RMDN2: variants seen among roughly 807,000 people sequenced by gnomAD.
RMDN2 encodes regulator of microtubule dynamics 2, also known as regulator of microtubule dynamics protein 2.
A neutral mutation model predicts 52.8 loss-of-function variants in RMDN2; 61 were observed. That is an observed-to-expected ratio of 1.16 (90% CI 0.94 to 1.43). The LOEUF (loss-of-function observed/expected upper bound fraction) is 1.43, where lower values mean the gene tolerates loss of function less well. Ranked by LOEUF, RMDN2 falls within the 40% of genes most tolerant of loss-of-function variation. RMDN2 has a pLI of 0.00. For synonymous variants in RMDN2, 180 were observed against 153.1 expected, an observed-to-expected ratio of 1.18 and a Z score of -1.30; for missense variants, 592 against 475.3, an observed-to-expected ratio of 1.25 and a Z score of -2.28.
At chr2:37,980,772 G>C (rs1395433316) in intron 4 of RMDN2, among the ~76,000 whole-genome samples, 2 of 151,652 alleles carry the variant, frequency 1.3e-5, no homozygotes, top group Non-Finnish European at 2.9e-5. Context: ...CCACTCTGCT[G>C]TGCCCTCTTT....
intron 10 of RMDN2, among the ~76,000 whole-genome samples, chr2:38,016,231 C>T (rs926620007): frequency 6.6e-6 from 1 of 152,302 alleles, no homozygotes; most frequent in East Asian, 1.9e-4. Flanking sequence ...GGTATTTGAG[C>T]AAGGCTCTAA....
At chr2:38,006,680 A>G (rs952621954) in intron 10 of RMDN2, among the ~76,000 whole-genome samples, 7 of 152,116 alleles carry the variant, frequency 4.6e-5, no homozygotes, top group African/African-American at 1.7e-4. Context: ...TCTTTTCCTA[A>G]TTGAATACCC....
chr2:37,986,153 A>G (rs1473845803), intron 5 of RMDN2, among the ~76,000 whole-genome samples: 1 of 152,162 alleles, frequency 6.6e-6, no homozygotes, highest in Non-Finnish European at 1.5e-5. Context: ...GAGTTTGGGG[A>G]GGTAGTCATA....
intron 2 of RMDN2, among the ~76,000 whole-genome samples, chr2:37,932,868 A>C (rs1307076992): frequency 5.4e-5 from 6 of 111,634 alleles, no homozygotes; most frequent in South Asian, 3.1e-4. Context: ...CGGGAGGCTG[A>C]CCCCCCCACC....
At position 38,017,278 on chromosome 2, in the gene RMDN2, A is replaced by G; in HGVS notation, c.*39A>G. 6.8e-7 allele frequency: 1 copy of G among 1,481,320 alleles called. No individual in the cohort carries two copies. Among genetic ancestry groups the G allele is most frequent in the Non-Finnish European group, 9.0e-7 (1 of 1,113,408 alleles). 91.8% of individuals were successfully genotyped at this position (1,481,320 alleles called of 1,614,324 possible). ...CTCTTCAACAAATCAGATGTGGTCT[A>G]CCAAAATTTAAATGAATCAAAGTTG... On this transcript the variant is annotated 3_prime_UTR_variant, in exon 11 of 11. Coordinates refer to ENST00000354545, the MANE Select transcript of RMDN2 (RefSeq NM_001170791.3).
In RMDN2 at chr2:37,991,227, TAG is replaced by T; in HGVS notation, c.877_878del (p.Asp293TyrfsTer30). 6.3e-7 allele frequency: 1 copy of T among 1,579,846 alleles called. No individual in the cohort carries two copies. The highest frequency in any genetic ancestry group is 1.7e-4 in the Middle Eastern group (1 of 5,960). On this transcript the variant is annotated frameshift_variant, in exon 7 of 11. Coordinates refer to ENST00000354545, the MANE Select transcript of RMDN2 (RefSeq NM_001170791.3). LOFTEE classifies it high-confidence loss of function. ...TTTGGATGCTTTTTTCAGGAACATC[TAG>T]ATATAGCAATCAAACTTTTACCAGA...
chr2:38,056,686 T>G (rs148264800), intron 10 of RMDN2, among the ~76,000 whole-genome samples: 73 of 152,330 alleles, frequency 4.8e-4, no homozygotes, highest in African/African-American at 1.8e-3. Flanking sequence ...TTTGTTTGAT[T>G]AGGTGCATTC....
chr2:38,045,930 A>C (rs1227881387), intron 10 of RMDN2, among the ~76,000 whole-genome samples: 1 of 152,240 alleles, frequency 6.6e-6, no homozygotes, highest in East Asian at 1.9e-4. Flanking sequence ...CAACATTGCA[A>C]CTAGCCCGAG....
chr2:38,031,128 G>C (rs572419288), intron 10 of RMDN2, among the ~76,000 whole-genome samples: 1 of 152,124 alleles, frequency 6.6e-6, no homozygotes, highest in African/African-American at 2.4e-5. Flanking sequence ...AGGAAGTTTG[G>C]TTTCTAAATG....
downstream of RMDN2, chr2:38,017,758 GT>G (rs1679004185): frequency 3.1e-6 from 1 of 319,176 alleles, no homozygotes; most frequent in South Asian, 3.0e-5. Flanking sequence ...GCTTTCACTC[GT>G]GTCCATGTGA....
upstream of RMDN2, among the ~76,000 whole-genome samples, chr2:37,922,569 A>G (rs960943566): frequency 6.6e-6 from 1 of 152,224 alleles, no homozygotes; most frequent in African/African-American, 2.4e-5. Flanking sequence ...CCCAAGATAC[A>G]AAGATAAATG....
intron 10 of RMDN2, among the ~76,000 whole-genome samples, chr2:38,046,076 G>C (rs1425983669): frequency 6.6e-6 from 1 of 152,136 alleles, no homozygotes; most frequent in Admixed American, 6.5e-5. Flanking sequence ...CATACCCAAG[G>C]CTACGCATCC....
At chr2:37,966,634 A>T (rs970987419) in intron 2 of RMDN2, among the ~76,000 whole-genome samples, 13 of 151,894 alleles carry the variant, frequency 8.6e-5, no homozygotes, top group African/African-American at 3.1e-4. Flanking sequence ...CTCAGAACCA[A>T]TATTTTCAAA....
intron 2 of RMDN2, among the ~76,000 whole-genome samples, chr2:37,947,024 G>C (rs1205452836): frequency 6.6e-6 from 1 of 152,076 alleles, no homozygotes; most frequent in African/African-American, 2.4e-5. Context: ...CTGCTGTCTA[G>C]TGAATTTATT....
At chr2:38,052,703 A>G (rs1681673413) in intron 10 of RMDN2, among the ~76,000 whole-genome samples, 1 of 152,164 alleles carries the variant, frequency 6.6e-6, no homozygotes, top group Admixed American at 6.5e-5. Flanking sequence ...TTATCCTCAG[A>G]CAACTTGTCT....
At chr2:37,935,396 C>A (rs943745778) in intron 2 of RMDN2, among the ~76,000 whole-genome samples, 1 of 152,168 alleles carries the variant, frequency 6.6e-6, no homozygotes, top group African/African-American at 2.4e-5. Flanking sequence ...CCTGTCAGGT[C>A]CGTTTTAATG....
intron 10 of RMDN2, among the ~76,000 whole-genome samples, chr2:38,009,686 G>A (rs928472831): frequency 1.1e-4 from 17 of 151,740 alleles, no homozygotes; most frequent in Non-Finnish European, 1.8e-4. Flanking sequence ...TAGTTTGATC[G>A]TCTGAAGCCT....
intron 10 of RMDN2, among the ~76,000 whole-genome samples, chr2:38,037,176 C>G (rs567196872): frequency 6.6e-6 from 1 of 152,290 alleles, no homozygotes; most frequent in Admixed American, 6.5e-5. Context: ...GTTTCCTCAT[C>G]TGTAAAATGA....
chr2:38,022,055 C>G (rs754007359), downstream of RMDN2, among the ~76,000 whole-genome samples: 4 of 152,246 alleles, frequency 2.6e-5, no homozygotes, highest in South Asian at 6.2e-4. Context: ...TGTCACAGAC[C>G]TTTCTTAACA....
Sources: allele counts gnomAD v4.1 joint callset (sites outside exome capture counted in the v4.1 genomes callset), GRCh38; gene constraint gnomAD v4.1.1; transcripts MANE v1.5; gene names NCBI Gene and HGNC (gene_info 2026-07-23, HGNC 2026-07-21).